GPR176: variants seen among roughly 807,000 people sequenced by gnomAD.
GPR176 encodes the protein G-protein coupled receptor 176.
A neutral mutation model predicts 35.4 loss-of-function variants in GPR176; 26 were observed. That is an observed-to-expected ratio of 0.74 (90% confidence interval 0.54 to 1.02). The LOEUF is 1.02. Among genes scored for constraint, GPR176 ranks in the 50% least tolerant of loss-of-function variants. The pLI is 0.00. For missense variants in GPR176, 597 were observed against 665.3 expected, an observed-to-expected ratio of 0.90 and a Z score of 1.13; for synonymous variants, 278 against 271.3, an observed-to-expected ratio of 1.02 and a Z score of -0.24.
intron 1 of GPR176, among the ~76,000 whole-genome samples, chr15:39,817,155 G>A (rs925348132): frequency 6.6e-6 from 1 of 151,000 alleles, no homozygotes; most frequent in African/African-American, 2.4e-5. Flanking sequence ...GTGCATTTAG[G>A]CTCACAGGAT....
At chr15:39,843,826 C>T (rs2030206731) in intron 1 of GPR176, among the ~76,000 whole-genome samples, 1 of 152,118 alleles carries the variant, frequency 6.6e-6, no homozygotes, top group Admixed American at 6.6e-5. Flanking sequence ...GCAACAAGTG[C>T]TATCTTCTTT....
chr15:39,844,365 T>A (rs749226487), intron 1 of GPR176, among the ~76,000 whole-genome samples: 6 of 152,038 alleles, frequency 3.9e-5, no homozygotes, highest in Non-Finnish European at 8.8e-5. Flanking sequence ...CATCTGGAAA[T>A]CCTGCTGTAA....
chr15:39,839,211 C>T (rs968459252), intron 1 of GPR176, among the ~76,000 whole-genome samples: 1 of 152,152 alleles, frequency 6.6e-6, no homozygotes, highest in African/African-American at 2.4e-5. Flanking sequence ...AAGCTGGAGG[C>T]ATCACGCTAC....
intron 1 of GPR176, among the ~76,000 whole-genome samples, chr15:39,877,550 CTTTTT>C (rs56071903): frequency 1.5e-5 from 2 of 131,628 alleles, no homozygotes; most frequent in African/African-American, 2.8e-5. Context: ...TCTTCTTCTT[CTTTTT>C]TTTTTTTTTT....
chr15:39,918,139 T>C (rs964736142), intron 1 of GPR176, among the ~76,000 whole-genome samples: 3 of 151,288 alleles, frequency 2.0e-5, no homozygotes, highest in African/African-American at 7.3e-5. Context: ...CTAAAGAAGG[T>C]TTTGCATGTC....
intron 1 of GPR176, among the ~76,000 whole-genome samples, chr15:39,841,243 T>C (rs1044887618): frequency 6.6e-6 from 1 of 152,138 alleles, no homozygotes; most frequent in Non-Finnish European, 1.5e-5. Flanking sequence ...TAACGACCAA[T>C]ACATATTGAT....
chr15:39,893,249 A>G lies in GPR176; in HGVS notation c.172+26606T>C, dbSNP rs890718171. Among the ~76,000 whole-genome samples, 208 of 152,238 alleles carry G rather than the reference A, an allele frequency of 1.4e-3. 2 individuals carry two copies. The highest frequency in any genetic ancestry group is 4.6e-3 in the African/African-American group (191 of 41,506). On this transcript the variant is annotated intron_variant, in intron 1 of 2. Coordinates refer to ENST00000561100, the MANE Select transcript of GPR176 (RefSeq NM_007223.3). ...GGTTTTCCTAGGCAGAGGGCCCTGC[A>G]GCCTTCCGCAGTGTTTGTGTCCCTG...
chr15:39,838,202 T>A (rs1233048346), intron 1 of GPR176, among the ~76,000 whole-genome samples: 1 of 152,082 alleles, frequency 6.6e-6, no homozygotes, highest in Non-Finnish European at 1.5e-5. Context: ...TCTAAAGAAT[T>A]AAATCTACAA....
At chr15:39,870,029 G>T (rs2031985202) in intron 1 of GPR176, among the ~76,000 whole-genome samples, 1 of 152,204 alleles carries the variant, frequency 6.6e-6, no homozygotes, top group Non-Finnish European at 1.5e-5. Flanking sequence ...CTAAAGTCAA[G>T]GCGTCAGCAG....
At chr15:39,897,008 T>C (rs562226152) in intron 1 of GPR176, among the ~76,000 whole-genome samples, 67 of 152,308 alleles carry the variant, frequency 4.4e-4, no homozygotes, top group African/African-American at 1.6e-3. Flanking sequence ...GTACAACCTA[T>C]ATAAAAGACA....
intron 1 of GPR176, among the ~76,000 whole-genome samples, chr15:39,901,418 C>T (rs1490885909): frequency 2.0e-5 from 3 of 152,078 alleles, no homozygotes; most frequent in Non-Finnish European, 4.4e-5. Context: ...CTATATTTTT[C>T]CATTTTACCT....
Position 39,807,504 on chromosome 15 carries a change from G to A in GPR176, c.173-246C>T, listed in dbSNP as rs1899272791. On this transcript the variant is annotated intron_variant, in intron 1 of 2. Coordinates refer to ENST00000561100, the MANE Select transcript of GPR176 (RefSeq NM_007223.3). ...TGGTGAGTTTCTCTATTTAATTTTGGGCAAAATAGTATTATAACGATGGCT... is the reference window on the plus strand; with the variant it reads ...TGGTGAGTTTCTCTATTTAATTTTGAGCAAAATAGTATTATAACGATGGCT... 11 of 1,397,780 alleles carry A rather than the reference G, an allele frequency of 7.9e-6. No homozygotes were observed. In the East Asian group the frequency reaches 2.6e-4, roughly 33 times the overall value. The allele number at this position is 1,397,780 out of a possible 1,614,324, so 86.6% of individuals were successfully genotyped here.
Position 39,920,061 on chromosome 15 carries a change from G to C in GPR176, c.-35C>G. ...GGGACTCCGGCTCCGCGCGCCGCCC[G>C]CCTCGGAGCCCCGCGCGGAGCCTCT... On this transcript the variant is annotated 5_prime_UTR_variant, in exon 1 of 3. Transcript: ENST00000561100. The C allele has an allele frequency of 7.9e-7, 1 of 1,272,298 alleles. No homozygotes were observed. Among genetic ancestry groups the C allele is most frequent in the Non-Finnish European group, 1.0e-6 (1 of 1,000,262 alleles). 78.8% of individuals were successfully genotyped at this position (1,272,298 alleles called of 1,614,324 possible). A position where few individuals can be genotyped will look rare whatever the true frequency, so the allele number is the denominator to read the frequency against.
At chr15:39,919,801 C>T (rs1265681978) in intron 1 of GPR176, 54 bp downstream of exon 1, 1 of 1,321,432 alleles carries the variant, frequency 7.6e-7, no homozygotes, top group Middle Eastern at 2.3e-4. Context: ...CCCGGCTCTC[C>T]GAGCCTGTAC....
At chr15:39,850,698 T>C (rs569583912) in intron 1 of GPR176, among the ~76,000 whole-genome samples, 5 of 152,204 alleles carry the variant, frequency 3.3e-5, no homozygotes, top group Non-Finnish European at 1.5e-5. Flanking sequence ...ACTACAATAA[T>C]GCAAAATGTT....
At chr15:39,861,775 T>C (rs1361205848) in intron 1 of GPR176, among the ~76,000 whole-genome samples, 1 of 152,186 alleles carries the variant, frequency 6.6e-6, no homozygotes, top group Non-Finnish European at 1.5e-5. Context: ...TGCTAGTATT[T>C]CAATTCAGAA....
intron 1 of GPR176, among the ~76,000 whole-genome samples, chr15:39,883,353 T>G (rs2032552654): frequency 6.6e-6 from 1 of 152,112 alleles, no homozygotes; most frequent in Non-Finnish European, 1.5e-5. Context: ...TGAGAAACGT[T>G]TACTATTAAT....
chr15:39,837,379 A>C (rs1901468293), intron 1 of GPR176, among the ~76,000 whole-genome samples: 1 of 152,100 alleles, frequency 6.6e-6, no homozygotes, highest in Non-Finnish European at 1.5e-5. Context: ...TGAGTGTGCC[A>C]TTTACTCCAA....
Position 39,800,154 on chromosome 15 carries a change from A to G in GPR176, c.*978T>C, listed in dbSNP as rs1020445888. On this transcript the variant is annotated 3_prime_UTR_variant, in exon 3 of 3. Coordinates refer to ENST00000561100, the MANE Select transcript of GPR176 (RefSeq NM_007223.3). ...GATGTTTCCAAAGGACCCAGCTTAC[A>G]CTAACTCTCCATTTTAAAAATACCT... The G allele has an allele frequency of 4.6e-5, 7 of 152,296 alleles. No homozygotes were observed. In the South Asian group the frequency reaches 1.5e-3, roughly 32 times the overall value. The allele number at this position is 152,296 out of a possible 1,614,324, so 9.4% of individuals were successfully genotyped here. A position where few individuals can be genotyped will look rare whatever the true frequency, so the allele number is the denominator to read the frequency against.
Sources: gnomAD v4.1 joint callset for allele counts (sites outside exome capture counted in the v4.1 genomes callset) on GRCh38, gnomAD v4.1.1 for gene constraint, MANE v1.5 for transcripts, NCBI Gene and HGNC (gene_info 2026-07-23, HGNC 2026-07-21) for gene names.